Variants in FTO observed in about 807,000 individuals in gnomAD.
The protein encoded by FTO is FTO alpha-ketoglutarate dependent dioxygenase, also known as alpha-ketoglutarate-dependent dioxygenase FTO.
In FTO, 47 loss-of-function variants were observed where a neutral mutation model predicts 63.9. The observed-to-expected ratio is 0.74, with a 90% CI of 0.58 to 0.94. The LOEUF (loss-of-function observed/expected upper bound fraction) is 0.94, where lower values mean the gene tolerates loss of function less well. FTO is among the 40% of genes least tolerant of loss of function. The pLI, the probability that FTO is intolerant of heterozygous loss-of-function variation, is 0.00. For missense variants in FTO, 562 were observed against 618.1 expected (o/e 0.91, Z 0.96); for synonymous variants, 207 against 224.4 (o/e 0.92, Z 0.69).
chr16:54,060,840 A>G (rs1197975616), intron 8 of FTO, among the ~76,000 whole-genome samples: 2 of 152,202 alleles, frequency 1.3e-5, no homozygotes, highest in South Asian at 2.1e-4. Context: ...TTTACTTTCT[A>G]TTCATCATTA....
At position 53,750,230 on chromosome 16, in the gene FTO, T is replaced by TTTTTC. The variant is rs1247288418; in HGVS notation, c.45+46016_45+46020dup. On this transcript the variant is annotated intron_variant, in intron 1 of 8. Transcript: ENST00000471389. ...GCTAAGAATGGCTTTTTTCTTTTTC[T>TTTTTC]TTTTCTTTTCTTTTCTTTTTTTTTT... 5.3e-5 allele frequency among the ~76,000 whole-genome samples: 8 copies of TTTTTC among 152,150 alleles called. No individual in the cohort carries two copies. The South Asian group carries it at 1.2e-3, about 24-fold the overall frequency.
intron 7 of FTO, among the ~76,000 whole-genome samples, chr16:53,905,859 G>A (rs1231697355): frequency 6.6e-6 from 1 of 152,100 alleles, no homozygotes; most frequent in African/African-American, 2.4e-5. Context: ...TCTCTCTGAG[G>A]TGCACCCTTT....
At chr16:53,935,306 T>C (rs1942386003) in intron 8 of FTO, among the ~76,000 whole-genome samples, 1 of 152,212 alleles carries the variant, frequency 6.6e-6, no homozygotes, top group South Asian at 2.1e-4. Flanking sequence ...TAATAATTGA[T>C]AGCTTTACTA....
At chr16:53,866,626 T>A (rs1257494817) in intron 4 of FTO, among the ~76,000 whole-genome samples, 1 of 152,126 alleles carries the variant, frequency 6.6e-6, no homozygotes, top group Non-Finnish European at 1.5e-5. Context: ...AATTGGTTCA[T>A]TTTTTATAGG....
chr16:54,079,562 G>A (rs547221466), intron 8 of FTO, among the ~76,000 whole-genome samples: 10 of 152,272 alleles, frequency 6.6e-5, no homozygotes, highest in Non-Finnish European at 1.0e-4. Flanking sequence ...CAGCTCCAAG[G>A]CCCTGAACTA....
chr16:53,944,180 G>A (rs1196309701), intron 8 of FTO, among the ~76,000 whole-genome samples: 3 of 152,188 alleles, frequency 2.0e-5, no homozygotes, highest in Non-Finnish European at 4.4e-5. Flanking sequence ...CTTAGGTCCT[G>A]AGGTTGTAGA....
At chr16:53,796,740 C>A (rs913372344) in intron 1 of FTO, among the ~76,000 whole-genome samples, 1 of 152,130 alleles carries the variant, frequency 6.6e-6, no homozygotes, top group African/African-American at 2.4e-5. Context: ...TTTATAGGCA[C>A]GTTAAACCAA....
intron 8 of FTO, among the ~76,000 whole-genome samples, chr16:54,106,657 C>A (rs2086759847): frequency 7.5e-6 from 1 of 132,874 alleles, no homozygotes; most frequent in African/African-American, 2.8e-5. Context: ...ATAGTTATAT[C>A]ATTATATATT....
chr16:54,061,940 A>G lies in FTO; in HGVS notation c.1365-49822A>G, dbSNP rs1004750030. ...AGAATGCCTTAACATGGACTCCTCAAGCAAGTTCCTGGCGGCAATAAAATT... is the reference window on the plus strand; with the variant it reads ...AGAATGCCTTAACATGGACTCCTCAGGCAAGTTCCTGGCGGCAATAAAATT... On this transcript the variant is annotated intron_variant, in intron 8 of 8. Transcript: ENST00000471389. Among the ~76,000 whole-genome samples, 14 of 152,274 alleles carry G rather than the reference A, an allele frequency of 9.2e-5. 1 individual carries two copies. The South Asian group carries it at 2.7e-3, about 29-fold the overall frequency.
intron 8 of FTO, among the ~76,000 whole-genome samples, chr16:53,959,226 G>A (rs1190964633): frequency 1.3e-5 from 2 of 152,178 alleles, no homozygotes; most frequent in Admixed American, 6.5e-5. Context: ...TTCCCAAGCA[G>A]GAAGTTTGGT....
At chr16:53,933,716 G>A (rs188550246) in intron 7 of FTO, among the ~76,000 whole-genome samples, 15 of 152,248 alleles carry the variant, frequency 9.9e-5, no homozygotes, top group Admixed American at 3.3e-4. Context: ...AAAATCGTTG[G>A]TGTGCTGAGA....
At chr16:53,956,416 G>A (rs1270633394) in intron 8 of FTO, among the ~76,000 whole-genome samples, 1 of 152,120 alleles carries the variant, frequency 6.6e-6, no homozygotes, top group African/African-American at 2.4e-5. Flanking sequence ...AATCGAGCAG[G>A]TAGTGGCAGC....
intron 8 of FTO, among the ~76,000 whole-genome samples, chr16:54,058,911 A>G (rs2085505936): frequency 6.6e-6 from 1 of 152,214 alleles, no homozygotes; most frequent in African/African-American, 2.4e-5. Flanking sequence ...AACTTGTGAA[A>G]TGAGACTGCA....
chr16:54,013,355 GTT>G (rs34823984), intron 8 of FTO: 3,040 of 138,806 alleles, frequency 0.022, 46 homozygotes, highest in African/African-American at 0.048. Context: ...TCAGCAAAGT[GTT>G]TTTTTTTTTT....
intron 8 of FTO, among the ~76,000 whole-genome samples, chr16:53,973,422 G>T (rs1167327981): frequency 6.6e-6 from 1 of 152,192 alleles, no homozygotes; most frequent in Non-Finnish European, 1.5e-5. Context: ...GATTCATTTG[G>T]GGTGAAGTCA....
chr16:53,840,519 A>G (rs2079444147), intron 3 of FTO, among the ~76,000 whole-genome samples: 1 of 152,210 alleles, frequency 6.6e-6, no homozygotes, highest in South Asian at 2.1e-4. Context: ...TTTTTTGTAA[A>G]GGGCCAGAAA....
chr16:53,871,870 G>A (rs1200502002), intron 4 of FTO, among the ~76,000 whole-genome samples: 1 of 152,026 alleles, frequency 6.6e-6, no homozygotes, highest in East Asian at 1.9e-4. Context: ...GGGATTACAA[G>A]CACCTGCCAC....
chr16:53,834,191 A>T (rs745440227), intron 3 of FTO, among the ~76,000 whole-genome samples: 7 of 151,752 alleles, frequency 4.6e-5, no homozygotes, highest in Non-Finnish European at 8.8e-5. Context: ...CACCCGGCAA[A>T]TTTTTTGTAT....
At chr16:53,930,999 T>C (rs946501923) in intron 7 of FTO, among the ~76,000 whole-genome samples, 3 of 152,208 alleles carry the variant, frequency 2.0e-5, no homozygotes, top group Admixed American at 6.5e-5. Context: ...GATACGGTGT[T>C]GAACTAAACA....
Sources: gnomAD v4.1 joint callset for allele counts (sites outside exome capture counted in the v4.1 genomes callset) on GRCh38, gnomAD v4.1.1 for gene constraint, MANE v1.5 for transcripts, NCBI Gene and HGNC (gene_info 2026-07-23, HGNC 2026-07-21) for gene names.